Variants in WDPCP observed in about 807,000 individuals in gnomAD.
WDPCP encodes WD repeat containing planar cell polarity effector.
A neutral mutation model predicts 93.1 loss-of-function variants in WDPCP; 71 were observed. The ratio of observed to expected loss-of-function variants is 0.76; its 90% CI spans 0.63 to 0.93. The LOEUF (loss-of-function observed/expected upper bound fraction) is 0.93. Among genes scored for constraint, WDPCP ranks in the 40% least tolerant of loss-of-function variants. The probability of loss-of-function intolerance (pLI) is 0.00; values close to 1 mark genes in which losing one functional copy is unlikely to be tolerated. For missense variants in WDPCP, 844 were observed against 887.4 expected (o/e 0.95, Z 0.62); for synonymous variants, 315 against 315.0 (o/e 1.00, Z 0.00).
chr2:63,755,613 T>C (rs1402837862), intron 2 of WDPCP, among the ~76,000 whole-genome samples: 2 of 152,256 alleles, frequency 1.3e-5, no homozygotes, highest in Admixed American at 1.3e-4. Context: ...ATTTTTTTTC[T>C]GATTTCATAA....
intron 15 of WDPCP, 108 bp from the exon 16 acceptor site, chr2:63,153,682 GT>G: frequency 1.6e-6 from 1 of 637,794 alleles, no homozygotes. Context: ...AAGTTTCTGG[GT>G]TAAAAAATGT....
At chr2:63,459,327 G>T (rs1279006814) in intron 6 of WDPCP, among the ~76,000 whole-genome samples, 3 of 151,864 alleles carry the variant, frequency 2.0e-5, no homozygotes, top group Admixed American at 2.0e-4. Flanking sequence ...TCCAATAGGG[G>T]ACTACTAATA....
At chr2:63,600,975 G>A (rs1032411244) in intron 3 of WDPCP, among the ~76,000 whole-genome samples, 4 of 152,222 alleles carry the variant, frequency 2.6e-5, no homozygotes, top group Non-Finnish European at 5.9e-5. Flanking sequence ...GTGGAGACAG[G>A]CATTGGAAAA....
chr2:63,826,258 G>A (rs1348921756), intron 1 of WDPCP, among the ~76,000 whole-genome samples: 2 of 151,894 alleles, frequency 1.3e-5, no homozygotes, highest in African/African-American at 2.4e-5. Context: ...GAGAGTTTTT[G>A]CTTTGCTTAA....
intron 2 of WDPCP, among the ~76,000 whole-genome samples, chr2:63,809,277 C>G (rs1245791890): frequency 1.3e-5 from 2 of 149,778 alleles, no homozygotes; most frequent in Non-Finnish European, 3.0e-5. Flanking sequence ...CCGCCCCATC[C>G]GGGAGGGAGG....
intron 1 of WDPCP, among the ~76,000 whole-genome samples, chr2:63,537,062 C>T (rs998120053): frequency 6.6e-6 from 1 of 151,916 alleles, no homozygotes; most frequent in African/African-American, 2.4e-5. Context: ...GCTGTGGAGC[C>T]CAGCTCACCA....
intron 1 of WDPCP, among the ~76,000 whole-genome samples, chr2:63,535,475 G>T (rs373257751): frequency 4.1e-4 from 63 of 151,876 alleles, no homozygotes; most frequent in African/African-American, 1.3e-3. Context: ...ACAAGGCTAC[G>T]GTAACCAAAA....
At chr2:63,312,543 T>C (rs961876025) in intron 13 of WDPCP, among the ~76,000 whole-genome samples, 6 of 152,238 alleles carry the variant, frequency 3.9e-5, no homozygotes, top group African/African-American at 1.2e-4. Context: ...TTTTGCTCTG[T>C]TGTTTCTGTG....
At chr2:63,751,817 T>G in intron 2 of WDPCP, 1 of 666,926 alleles carries the variant, frequency 1.5e-6, no homozygotes, top group East Asian at 2.9e-5. Context: ...GTTCTCCCAT[T>G]CATGGGTCCA....
chr2:63,718,849 AAAG>A, intron 2 of WDPCP, among the ~76,000 whole-genome samples: 1 of 152,372 alleles, frequency 6.6e-6, no homozygotes, highest in Non-Finnish European at 1.5e-5. Context: ...ATACAAACCA[AAAG>A]AAGACTGGCT....
intron 14 of WDPCP, among the ~76,000 whole-genome samples, chr2:63,192,164 C>T (rs1367230448): frequency 6.6e-6 from 1 of 152,088 alleles, no homozygotes; most frequent in Non-Finnish European, 1.5e-5. Context: ...TATCAAATTC[C>T]ATTTCACAGC....
chr2:63,285,424 A>G (rs1273664416), intron 13 of WDPCP, among the ~76,000 whole-genome samples: 4 of 141,266 alleles, frequency 2.8e-5, no homozygotes, highest in African/African-American at 1.1e-4. Context: ...ACAGAGTGAG[A>G]CTCCATCTCA....
chr2:63,674,638 A>G (rs1329653684), intron 2 of WDPCP, among the ~76,000 whole-genome samples: 1 of 152,054 alleles, frequency 6.6e-6, no homozygotes, highest in African/African-American at 2.4e-5. Context: ...TATCGAGCCT[A>G]TAGTTAACAA....
At chr2:63,151,713 G>C (rs1671900328) in intron 17 of WDPCP, among the ~76,000 whole-genome samples, 1 of 152,110 alleles carries the variant, frequency 6.6e-6, no homozygotes, top group African/African-American at 2.4e-5. Flanking sequence ...TTCAATGCAG[G>C]TATGTCCAGA....
At chr2:63,621,631 C>A (rs984666435) in intron 3 of WDPCP, among the ~76,000 whole-genome samples, 1 of 152,106 alleles carries the variant, frequency 6.6e-6, no homozygotes, top group Admixed American at 6.6e-5. Flanking sequence ...ACTTCCCCAA[C>A]GTAGCAAGGC....
At chr2:63,515,553 A>G (rs1168750902) in intron 1 of WDPCP, among the ~76,000 whole-genome samples, 7 of 152,210 alleles carry the variant, frequency 4.6e-5, no homozygotes, top group African/African-American at 1.2e-4. Flanking sequence ...GGAAAAGTGC[A>G]ATTTGCCTTT....
rs189410908 is a variant in WDPCP, at chr2:63,470,886, C to T, written c.384+13718G>A. 2.0e-5 allele frequency among the ~76,000 whole-genome samples: 3 copies of T among 152,154 alleles called. No homozygotes were observed. In the East Asian group the frequency reaches 5.8e-4, roughly 30 times the overall value. Reference sequence around the variant, plus strand: ...TGCCAGGTATACTCCCATCTCAGGGCCTTTGTACCTGTTGTTCCCTCTACC... The same window carrying T: ...TGCCAGGTATACTCCCATCTCAGGGTCTTTGTACCTGTTGTTCCCTCTACC... On this transcript the variant is annotated intron_variant, in intron 6 of 17. Transcript: ENST00000272321.
intron 1 of WDPCP, among the ~76,000 whole-genome samples, chr2:63,571,851 C>A (rs1707529025): frequency 6.6e-6 from 1 of 152,188 alleles, no homozygotes; most frequent in Non-Finnish European, 1.5e-5. Context: ...CTAATTATTT[C>A]AGCACTGTTT....
chr2:63,509,864 T>G (rs1702116870), intron 1 of WDPCP, among the ~76,000 whole-genome samples: 1 of 151,936 alleles, frequency 6.6e-6, no homozygotes, highest in Non-Finnish European at 1.5e-5. Context: ...ACATATACCC[T>G]CCCAAGACTA....
Sources: allele counts gnomAD v4.1 joint callset (sites outside exome capture counted in the v4.1 genomes callset), GRCh38; gene constraint gnomAD v4.1.1; transcripts MANE v1.5; gene names NCBI Gene and HGNC (gene_info 2026-07-23, HGNC 2026-07-21).